The following MAGI2 variants were observed in gnomAD, a reference collection of about 807,000 sequenced individuals.
MAGI2 encodes membrane-associated guanylate kinase, WW and PDZ domain-containing protein 2.
A neutral mutation model predicts 133.3 loss-of-function variants in MAGI2; 35 were observed. The ratio of observed to expected loss-of-function variants is 0.26; its 90% confidence interval spans 0.20 to 0.35. The LOEUF (loss-of-function observed/expected upper bound fraction) is 0.35, where lower values mean the gene tolerates loss of function less well. Among genes scored for constraint, MAGI2 ranks in the 10% least tolerant of loss-of-function variants. MAGI2 has a pLI of 1.00. For missense variants in MAGI2, 1,636 were observed against 1,863.4 expected (o/e 0.88, Z 2.25); for synonymous variants, 729 against 710.6 (o/e 1.03, Z -0.41).
intron 1 of MAGI2, among the ~76,000 whole-genome samples, chr7:79,399,090 C>CTTTTTTTTTTTTTTTTTTTTTTTTTTTT (rs1337058211): frequency 2.0e-5 from 2 of 101,438 alleles, no homozygotes; most frequent in Admixed American, 2.0e-4. Context: ...TTTTTTTTTT[C>CTTTTTTTTTTTTTTTTTTTTTTTTTTTT]TTTTCTTTTT....
At chr7:79,256,093 G>T (rs1563051478) in intron 1 of MAGI2, among the ~76,000 whole-genome samples, 1 of 152,158 alleles carries the variant, frequency 6.6e-6, no homozygotes, top group Non-Finnish European at 1.5e-5. Flanking sequence ...GAACTAGAAA[G>T]AATCACTTGA....
chr7:78,942,886 G>A lies in MAGI2; in HGVS notation c.418+64204C>T, dbSNP rs1351726320. ...TGGATAGTGCAGAATCTAGGGCGTA[G>A]TAAGTGAAAAAAAAAAAAACAAAAA... On this transcript the variant is annotated intron_variant, in intron 2 of 21. Coordinates refer to ENST00000354212, the MANE Select transcript of MAGI2 (RefSeq NM_012301.4). Among the ~76,000 whole-genome samples the A allele has an allele frequency of 4.0e-5, 5 of 126,348 alleles. No homozygotes were observed. The South Asian group carries it at 7.9e-4, about 20-fold the overall frequency. 82.9% of individuals were successfully genotyped at this position (126,348 alleles called of 152,430 possible).
chr7:78,283,870 A>AGC (rs1398363641), intron 9 of MAGI2, among the ~76,000 whole-genome samples: 1 of 152,170 alleles, frequency 6.6e-6, no homozygotes, highest in Non-Finnish European at 1.5e-5. Context: ...AATGTCAGTG[A>AGC]GCATGTATTC....
chr7:78,529,484 ATTTG>A (rs2150615337), intron 3 of MAGI2, among the ~76,000 whole-genome samples: 1 of 152,280 alleles, frequency 6.6e-6, no homozygotes, highest in African/African-American at 2.4e-5. Flanking sequence ...AAAAGAAGGC[ATTTG>A]AACATTTGTA....
chr7:79,052,114 A>C lies in MAGI2; in HGVS notation c.302-44908T>G, dbSNP rs540215599. On this transcript the variant is annotated intron_variant, in intron 1 of 21. Transcript: ENST00000354212. The stretch of plus-strand genomic sequence containing the variant: ...CAGAAAAAGATTAAAAATTGTGGGA[A>C]AGTACAGAAGACACACAGAGAAACA... 3.3e-5 allele frequency among the ~76,000 whole-genome samples: 5 copies of C among 152,280 alleles called. No homozygotes were observed. The East Asian group carries it at 9.7e-4, about 30-fold the overall frequency.
At chr7:78,287,425 GAAAT>G (rs1796255022) in intron 9 of MAGI2, among the ~76,000 whole-genome samples, 2 of 152,260 alleles carry the variant, frequency 1.3e-5, no homozygotes, top group South Asian at 4.1e-4. Flanking sequence ...TATGTAGTAG[GAAAT>G]ACTGAGTCCA....
intron 2 of MAGI2, among the ~76,000 whole-genome samples, chr7:78,909,073 G>A (rs1227866816): frequency 1.3e-5 from 2 of 149,832 alleles, no homozygotes; most frequent in African/African-American, 4.9e-5. Flanking sequence ...GTCTGACAAA[G>A]GTCTAATATC....
At chr7:78,246,621 T>C (rs1307670205) in intron 10 of MAGI2, among the ~76,000 whole-genome samples, 3 of 152,128 alleles carry the variant, frequency 2.0e-5, no homozygotes, top group Non-Finnish European at 4.4e-5. Flanking sequence ...GCCTAAGCAA[T>C]TGCTGCACTC....
At chr7:78,033,863 C>G (rs3779347) in intron 21 of MAGI2, among the ~76,000 whole-genome samples, 2 of 151,816 alleles carry the variant, frequency 1.3e-5, no homozygotes, top group Non-Finnish European at 2.9e-5. Flanking sequence ...TGTGGAGAAC[C>G]CTGTGTGCCA....
At chr7:78,881,658 C>A (rs572547485) in intron 2 of MAGI2, among the ~76,000 whole-genome samples, 1 of 152,130 alleles carries the variant, frequency 6.6e-6, no homozygotes, top group East Asian at 1.9e-4. Flanking sequence ...CTCTCAAAAC[C>A]ACACAATTAT....
chr7:78,720,329 C>T (rs323143), intron 2 of MAGI2, among the ~76,000 whole-genome samples: 7,142 of 152,064 alleles, frequency 0.047, 290 homozygotes, highest in East Asian at 0.16. Flanking sequence ...TACTAACTCA[C>T]TTAATCCTTA....
At chr7:79,167,780 G>C (rs1037703442) in intron 1 of MAGI2, among the ~76,000 whole-genome samples, 2 of 151,950 alleles carry the variant, frequency 1.3e-5, no homozygotes, top group Non-Finnish European at 2.9e-5. Context: ...GTTGGGAACA[G>C]TCCCCCCAAA....
At chr7:78,244,713 G>A (rs541120125) in intron 10 of MAGI2, among the ~76,000 whole-genome samples, 29 of 152,200 alleles carry the variant, frequency 1.9e-4, no homozygotes, top group African/African-American at 7.0e-4. Flanking sequence ...AGCATAATAT[G>A]ATTGAACATA....
chr7:78,286,526 G>T (rs1462302351), intron 9 of MAGI2, among the ~76,000 whole-genome samples: 1 of 152,158 alleles, frequency 6.6e-6, no homozygotes, highest in Non-Finnish European at 1.5e-5. Flanking sequence ...GAGGGTAAGA[G>T]ATTCCAGCAA....
intron 2 of MAGI2, among the ~76,000 whole-genome samples, chr7:78,784,726 T>A (rs963814385): frequency 6.6e-6 from 1 of 152,224 alleles, no homozygotes; most frequent in Non-Finnish European, 1.5e-5. Context: ...CTATTCTTCA[T>A]GAAGACTAAG....
chr7:79,039,272 A>G (rs192496655), intron 1 of MAGI2, among the ~76,000 whole-genome samples: 1 of 152,242 alleles, frequency 6.6e-6, no homozygotes, highest in African/African-American at 2.4e-5. Flanking sequence ...CACGATTGTA[A>G]GTTTCCTGAG....
At chr7:79,451,327 T>C (rs1849229612) in intron 1 of MAGI2, among the ~76,000 whole-genome samples, 1 of 152,228 alleles carries the variant, frequency 6.6e-6, no homozygotes, top group Non-Finnish European at 1.5e-5. Context: ...ATTAGTTGTG[T>C]AGTAGACTTT....
In MAGI2 at chr7:79,287,725, C is replaced by G. The variant is rs1176057483; in HGVS notation, c.301+165295G>C. 2.6e-5 allele frequency among the ~76,000 whole-genome samples: 4 copies of G among 152,208 alleles called. No individual in the cohort carries two copies. In the East Asian group the frequency reaches 5.8e-4, roughly 22 times the overall value. On this transcript the variant is annotated intron_variant, in intron 1 of 21. Transcript: ENST00000354212. ...GGCAATCAGTAAGTAGTGGCTTCAG[C>G]TTCAGTTATTTTTATCTAGGATAAT...
chr7:79,269,313 G>T (rs1016626212), intron 1 of MAGI2, among the ~76,000 whole-genome samples: 2 of 152,074 alleles, frequency 1.3e-5, no homozygotes, highest in African/African-American at 4.8e-5. Flanking sequence ...CAGTTATTAT[G>T]GGTGGATAAC....
Sources: gnomAD v4.1 joint callset for allele counts (sites outside exome capture counted in the v4.1 genomes callset) on GRCh38, gnomAD v4.1.1 for gene constraint, MANE v1.5 for transcripts, NCBI Gene and HGNC (gene_info 2026-07-23, HGNC 2026-07-21) for gene names.